The following PARVB variants were observed in gnomAD, a reference collection of about 807,000 sequenced individuals.
The protein encoded by PARVB is beta-parvin.
Under a neutral mutation model 47.0 loss-of-function variants are expected in PARVB, and 46 were observed. The observed-to-expected ratio is 0.98, with a 90% CI of 0.77 to 1.25. PARVB has a LOEUF of 1.25. PARVB is among the 50% of genes most tolerant of loss of function. PARVB has a pLI of 0.00. For synonymous variants in PARVB, 196 were observed against 196.3 expected (o/e 1.00, Z 0.01); for missense variants, 473 against 471.6 (o/e 1.00, Z -0.03).
Position 44,068,305 on chromosome 22 carries a change from C to T in PARVB, c.113-25623C>T, listed in dbSNP as rs1397574862. Among the ~76,000 whole-genome samples the T allele has an allele frequency of 2.0e-5, 3 of 152,134 alleles. No individual in the cohort carries two copies. The highest frequency in any genetic ancestry group is 4.8e-5 in the African/African-American group (2 of 41,424). Reference sequence around the variant, plus strand: ...ATTGTTAATAACCCCTTTTTACCGACGAGGAACCCAGACCAGACAGAGAGC... The same window carrying T: ...ATTGTTAATAACCCCTTTTTACCGATGAGGAACCCAGACCAGACAGAGAGC... On this transcript the variant is annotated intron_variant, in intron 1 of 12. Transcript: ENST00000338758. This position sits in a 1 kb window ranked among gnomAD's most constrained non-coding sequence, Gnocchi z 4.1.
intron 4 of PARVB, among the ~76,000 whole-genome samples, chr22:44,122,540 G>C (rs58136081): frequency 0.038 from 4,094 of 107,168 alleles, 269 homozygotes; most frequent in African/African-American, 0.1. Flanking sequence ...GAGAGAGAGA[G>C]AGAGAGAGAG....
intron 2 of PARVB, among the ~76,000 whole-genome samples, chr22:44,009,843 T>C (rs555546904): frequency 1.3e-5 from 2 of 150,456 alleles, no homozygotes; most frequent in East Asian, 2.0e-4. Flanking sequence ...AGTTTTTCTC[T>C]GTCACTGAGG....
At chr22:44,034,166 T>C (rs1420086206) in intron 1 of PARVB, among the ~76,000 whole-genome samples, 1 of 150,254 alleles carries the variant, frequency 6.7e-6, no homozygotes, top group Non-Finnish European at 1.5e-5. Context: ...TTGCATTGTG[T>C]CTGCATTCTT....
chr22:44,153,906 A>T (rs2053862739), intron 10 of PARVB, among the ~76,000 whole-genome samples: 1 of 152,232 alleles, frequency 6.6e-6, no homozygotes, highest in South Asian at 2.1e-4. Flanking sequence ...AGCAGTGCAG[A>T]GAGCAGCTTT....
chr22:44,031,084 C>T (rs1414207015), intron 1 of PARVB, among the ~76,000 whole-genome samples: 1 of 152,102 alleles, frequency 6.6e-6, no homozygotes, highest in East Asian at 1.9e-4. Context: ...AAAGACAATT[C>T]CACACTGTTA....
rs1569134207 is a variant in PARVB, at chr22:44,122,512, GAGAGAGACAGAGAGAC to G, written c.376+3380_376+3395del. Among the ~76,000 whole-genome samples, 877 of 91,022 alleles carry G rather than the reference GAGAGAGACAGAGAGAC, an allele frequency of 9.6e-3. 60 individuals are homozygous for G. The highest frequency in any genetic ancestry group is 0.032 in the African/African-American group (489 of 15,092). 59.7% of individuals were successfully genotyped at this position (91,022 alleles called of 152,430 possible). ...CAAGAGAGAGAGAGAGAGAGAGAGA[GAGAGAGACAGAGAGAC>G]AGAGAGAGAGAGAGAGAGAGAGAGA... is the stretch of plus-strand genomic sequence containing the variant. On this transcript the variant is annotated intron_variant, in intron 4 of 12. Coordinates refer to ENST00000338758, the MANE Select transcript of PARVB (RefSeq NM_013327.5).
chr22:44,083,595 C>A (rs1159017967), intron 1 of PARVB, among the ~76,000 whole-genome samples: 1 of 151,992 alleles, frequency 6.6e-6, no homozygotes, highest in Non-Finnish European at 1.5e-5. Flanking sequence ...AGCTAGCTGA[C>A]CTGAAGTGAA....
At position 44,073,580 on chromosome 22, in the gene PARVB, G is replaced by A. The variant is rs2051701661; in HGVS notation, c.113-20348G>A. 2.0e-5 allele frequency among the ~76,000 whole-genome samples: 3 copies of A among 152,228 alleles called. No homozygotes were observed. In the South Asian group the frequency reaches 6.2e-4, roughly 31 times the overall value. On this transcript the variant is annotated intron_variant, in intron 1 of 12. Transcript: ENST00000338758. Reference sequence around the variant, plus strand: ...CTCGAATACCAATGCCAAATAAAGGGAACCGAGAGATGAAAGGTGTCACTG... The same window carrying A: ...CTCGAATACCAATGCCAAATAAAGGAAACCGAGAGATGAAAGGTGTCACTG...
At chr22:44,143,914 G>T (rs149787217) in intron 8 of PARVB, 2 of 152,506 alleles carry the variant, frequency 1.3e-5, no homozygotes, top group African/African-American at 4.8e-5. Flanking sequence ...GTAACTCCTA[G>T]TAATTCCCCT....
chr22:44,069,203 AAC>A, intron 1 of PARVB: 1 of 1,555,678 alleles, frequency 6.4e-7, no homozygotes, highest in Non-Finnish European at 8.9e-7. Context: ...GCAGGAGCTA[AAC>A]CCAGGCCAGC....
rs565480137 is a variant in PARVB, at chr22:44,061,854, C to T, written c.113-32074C>T. 7.2e-5 allele frequency among the ~76,000 whole-genome samples: 11 copies of T among 152,144 alleles called. No homozygotes were observed. The South Asian group carries it at 8.3e-4, about 12-fold the overall frequency. On this transcript the variant is annotated intron_variant, in intron 1 of 12. Transcript: ENST00000338758. ...CTGGTCTCGAACTCCTGACCTCAGG[C>T]GATCCACCCGCTTTGGCCTCCCGAA...
chr22:44,063,329 T>C (rs1334393750), intron 1 of PARVB, among the ~76,000 whole-genome samples: 1 of 151,472 alleles, frequency 6.6e-6, no homozygotes, highest in East Asian at 1.9e-4. Flanking sequence ...CGGGTTCAAG[T>C]GATTCTCCTG....
intron 10 of PARVB, among the ~76,000 whole-genome samples, chr22:44,154,871 G>C (rs1601693999): frequency 6.7e-6 from 1 of 148,800 alleles, no homozygotes; most frequent in African/African-American, 2.5e-5. Context: ...GTGGGGGTGT[G>C]TGTGTGTGGT....
chr22:44,056,056 T>C (rs1360612710), intron 1 of PARVB, among the ~76,000 whole-genome samples: 1 of 152,246 alleles, frequency 6.6e-6, no homozygotes, highest in Admixed American at 6.5e-5. Flanking sequence ...TGCTTGTCTT[T>C]CCTTGCGTTT....
At chr22:44,122,334 C>T (rs2053064722) in intron 4 of PARVB, among the ~76,000 whole-genome samples, 1 of 151,946 alleles carries the variant, frequency 6.6e-6, no homozygotes, top group Non-Finnish European at 1.5e-5. Flanking sequence ...CTACAAATTA[C>T]CAGTCGTGGT....
chr22:44,064,263 G>A (rs546736677), intron 1 of PARVB, among the ~76,000 whole-genome samples: 1 of 152,366 alleles, frequency 6.6e-6, no homozygotes, highest in African/African-American at 2.4e-5. Context: ...TTGGAAGCGT[G>A]GCCGTGGGGC....
intron 3 of PARVB, chr22:44,109,494 TA>T (rs1375213383): frequency 6.6e-6 from 1 of 152,250 alleles, no homozygotes; most frequent in Non-Finnish European, 1.5e-5. Flanking sequence ...GTGCTATCTT[TA>T]AAAAGTCTTT....
intron 1 of PARVB, among the ~76,000 whole-genome samples, chr22:44,084,491 C>A (rs1437755425): frequency 6.6e-6 from 1 of 152,234 alleles, no homozygotes; most frequent in Non-Finnish European, 1.5e-5. Context: ...AGGTGGCCAT[C>A]CTGGTGAGAA....
intron 2 of PARVB, among the ~76,000 whole-genome samples, chr22:44,005,867 A>G (rs1039141149): frequency 6.6e-6 from 1 of 152,062 alleles, no homozygotes; most frequent in Non-Finnish European, 1.5e-5. Context: ...GCCTGCTCCC[A>G]CTTTGAGGAG....
Sources: allele counts gnomAD v4.1 joint callset (sites outside exome capture counted in the v4.1 genomes callset), GRCh38; gene constraint gnomAD v4.1.1; non-coding constraint Gnocchi (gnomAD v3.1); transcripts MANE v1.5; gene names NCBI Gene and HGNC (gene_info 2026-07-23, HGNC 2026-07-21).